KCNS3: variants seen among roughly 807,000 people sequenced by gnomAD.
The protein encoded by KCNS3 is potassium voltage-gated channel modifier subfamily S member 3.
A neutral mutation model predicts 31.0 loss-of-function variants in KCNS3; 13 were observed. That is an observed-to-expected ratio of 0.42 (90% CI 0.27 to 0.67). The LOEUF (loss-of-function observed/expected upper bound fraction) is 0.67, where lower values mean the gene tolerates loss of function less well. KCNS3 is among the 30% of genes least tolerant of loss of function. The pLI is 0.25. For synonymous variants in KCNS3, 238 were observed against 241.5 expected, an observed-to-expected ratio of 0.99 and a Z score of 0.13; for missense variants, 545 against 622.4, an observed-to-expected ratio of 0.88 and a Z score of 1.32.
intron 1 of KCNS3, among the ~76,000 whole-genome samples, chr2:17,897,890 GAAAGAAAACCCA>G: frequency 6.6e-6 from 1 of 152,188 alleles, no homozygotes; most frequent in East Asian, 1.9e-4. Context: ...ATGACTTCTA[GAAAGAAAACCCA>G]GGTTTTCTTC....
At position 17,884,264 on chromosome 2, in the gene KCNS3, AAAAAATATATATATATATATATAT is replaced by A. The variant is rs1674713040; in HGVS notation, c.-252+5460_-252+5483del. 1.5e-4 allele frequency among the ~76,000 whole-genome samples: 7 copies of A among 48,050 alleles called. 1 individual carries two copies. The South Asian group carries it at 4.5e-3, about 31-fold the overall frequency. 31.5% of individuals were successfully genotyped at this position (48,050 alleles called of 152,430 possible). A position where few individuals can be genotyped will look rare whatever the true frequency, so the allele number is the denominator to read the frequency against. Reference sequence around the variant, plus strand: ...AGAACTTAAAGTATAATTAAAAAAAAAAAAATATATATATATATATATATATATATATATATATATTTAAAAAGA... The same window carrying A: ...AGAACTTAAAGTATAATTAAAAAAAAATATATATATATATATTTAAAAAGA... On this transcript the variant is annotated intron_variant, in intron 1 of 2. Coordinates refer to ENST00000304101, the MANE Select transcript of KCNS3 (RefSeq NM_002252.5).
intron 1 of KCNS3, among the ~76,000 whole-genome samples, chr2:17,887,083 T>C (rs1661681188): frequency 6.6e-6 from 1 of 152,112 alleles, no homozygotes; most frequent in South Asian, 2.1e-4. Context: ...CATGTAATTT[T>C]TATTTTATTA....
chr2:17,930,019 G>A lies in KCNS3; in HGVS notation c.-59-931G>A, dbSNP rs186605328. On this transcript the variant is annotated intron_variant, in intron 2 of 2. Transcript: ENST00000304101. Reference sequence around the variant, plus strand: ...GTTCTGAGGAAACGTCATTGCATTGGGTGAGGATCAAAAGCTGTTATTTTC... The same window carrying A: ...GTTCTGAGGAAACGTCATTGCATTGAGTGAGGATCAAAAGCTGTTATTTTC... Among the ~76,000 whole-genome samples the A allele has an allele frequency of 2.7e-3, 412 of 152,262 alleles. 4 individuals are homozygous for A. Among genetic ancestry groups the A allele is most frequent in the African/African-American group, 9.6e-3 (398 of 41,536 alleles).
At chr2:17,916,828 C>CTT (rs11296020) in intron 1 of KCNS3, among the ~76,000 whole-genome samples, 8 of 146,670 alleles carry the variant, frequency 5.5e-5, no homozygotes, top group African/African-American at 1.3e-4. Context: ...GCCAGAGGCA[C>CTT]TTTTTTTTTT....
intron 1 of KCNS3, among the ~76,000 whole-genome samples, chr2:17,894,028 T>C (rs1661927148): frequency 6.7e-6 from 1 of 150,222 alleles, no homozygotes; most frequent in Non-Finnish European, 1.5e-5. Flanking sequence ...AATGTGGCCC[T>C]GAATTCCAGT....
chr2:17,915,110 C>T (rs1662558554), intron 1 of KCNS3, among the ~76,000 whole-genome samples: 5 of 152,210 alleles, frequency 3.3e-5, no homozygotes, highest in Admixed American at 3.3e-4. Flanking sequence ...TGTAGTCAAC[C>T]CACCAGGAAA....
In KCNS3 at chr2:17,931,076, G is replaced by A; in HGVS notation, c.68G>A (p.Gly23Asp). The A allele has an allele frequency of 6.2e-7, 1 of 1,614,072 alleles. No individual in the cohort carries two copies. Among genetic ancestry groups the A allele is most frequent in the Non-Finnish European group, 8.5e-7 (1 of 1,179,994 alleles). Reference sequence around the variant, plus strand: ...GAACTTGTCAACCTGAATGTGGGGGGCTTTAAGCAGTCTGTTGACCAAAGC... The same window carrying A: ...GAACTTGTCAACCTGAATGTGGGGGACTTTAAGCAGTCTGTTGACCAAAGC... The part of the protein sequence containing the change: ...DEELVNLNVG[G>D]FKQSVDQSTL... The change falls in exon 3 of 3, where the codon GGC becomes GAC. Residue 23 changes from glycine to aspartate, a missense_variant. Coordinates refer to ENST00000304101, the MANE Select transcript of KCNS3 (RefSeq NM_002252.5). The surrounding 1 kb of genome is among the most constrained non-coding windows in gnomAD (Gnocchi z 5.4).
chr2:17,931,507 C>T lies in KCNS3; in HGVS notation c.499C>T (p.Leu167Phe). The change falls in exon 3 of 3, where the codon CTC becomes TTC. Residue 167 changes from leucine to phenylalanine, a missense_variant. Coordinates refer to ENST00000304101, the MANE Select transcript of KCNS3 (RefSeq NM_002252.5). This position sits in a 1 kb window ranked among gnomAD's most constrained non-coding sequence, Gnocchi z 5.4. ...GTTTGACACACTGCGATTTGGTCAG[C>T]TCCGGAAGAAAATCTGGATTAGAAT... is the stretch of plus-strand genomic sequence containing the variant. ...EKFDTLRFGQLRKKIWIRMEN... is the reference protein window; with the variant it reads ...EKFDTLRFGQFRKKIWIRMEN... The T allele has an allele frequency of 6.2e-7, 1 of 1,614,186 alleles. No individual in the cohort carries two copies. Among genetic ancestry groups the T allele is most frequent in the Non-Finnish European group, 8.5e-7 (1 of 1,180,028 alleles).
At chr2:17,927,986 C>T (rs1335821560) in intron 2 of KCNS3, among the ~76,000 whole-genome samples, 2 of 152,200 alleles carry the variant, frequency 1.3e-5, no homozygotes, top group Non-Finnish European at 2.9e-5. Flanking sequence ...TGTAGGCCAA[C>T]AACCTTGAGT....
At chr2:17,888,627 A>AGTATATC (rs35481319) in intron 1 of KCNS3, among the ~76,000 whole-genome samples, 4 of 57,726 alleles carry the variant, frequency 6.9e-5, no homozygotes, top group African/African-American at 2.7e-4. Context: ...AATAAAAAAA[A>AGTATATC]TGTATATATA....
At chr2:17,918,565 T>C (rs4553827) in intron 2 of KCNS3, among the ~76,000 whole-genome samples, 88,111 of 152,086 alleles carry the variant, frequency 0.58, 27,811 homozygotes, top group Non-Finnish European at 0.73. Context: ...CCATGCCTGT[T>C]CTAGATCATT....
intron 1 of KCNS3, among the ~76,000 whole-genome samples, chr2:17,887,273 C>G (rs1239696316): frequency 6.6e-6 from 1 of 152,118 alleles, no homozygotes; most frequent in Non-Finnish European, 1.5e-5. Context: ...CCCACTCCCA[C>G]TCTTCCCCCT....
chr2:17,930,043 T>C (rs911952064), intron 2 of KCNS3, among the ~76,000 whole-genome samples: 2 of 152,184 alleles, frequency 1.3e-5, no homozygotes, highest in African/African-American at 4.8e-5. Context: ...GCTGTTATTT[T>C]CTCTCTGAGA....
intron 1 of KCNS3, among the ~76,000 whole-genome samples, chr2:17,893,700 G>A (rs1661913430): frequency 6.6e-6 from 1 of 152,138 alleles, no homozygotes; most frequent in Non-Finnish European, 1.5e-5. Flanking sequence ...CTCCACTGGG[G>A]GTGTGTGTTT....
At chr2:17,902,651 C>G (rs150970800) in intron 1 of KCNS3, among the ~76,000 whole-genome samples, 1,951 of 152,208 alleles carry the variant, frequency 0.013, 19 homozygotes, top group Non-Finnish European at 0.02. Flanking sequence ...AATATGTAAG[C>G]AGCCATGCCT....
chr2:17,891,208 CTGATA>C (rs1171267682), intron 1 of KCNS3, among the ~76,000 whole-genome samples: 9 of 152,076 alleles, frequency 5.9e-5, no homozygotes, highest in Admixed American at 1.3e-4. Flanking sequence ...TTTGTTTTGT[CTGATA>C]TAAGAATAGC....
At position 17,932,601 on chromosome 2, in the gene KCNS3, T is replaced by G. The variant is rs74861505; in HGVS notation, c.*117T>G. The G allele has an allele frequency of 9.2e-7, 1 of 1,081,818 alleles. No individual in the cohort carries two copies. The highest frequency in any genetic ancestry group is 1.3e-6 in the Non-Finnish European group (1 of 756,108). The allele number at this position is 1,081,818 out of a possible 1,614,324, so 67.0% of individuals were successfully genotyped here. A position where few individuals can be genotyped will look rare whatever the true frequency, so the allele number is the denominator to read the frequency against. On this transcript the variant is annotated 3_prime_UTR_variant, in exon 3 of 3. Coordinates refer to ENST00000304101, the MANE Select transcript of KCNS3 (RefSeq NM_002252.5). ...ATTCTCAGGGTGTACCTTTCAGCCA[T>G]AGTTGGACATTCATTGCTGAATTCT...
intron 1 of KCNS3, among the ~76,000 whole-genome samples, chr2:17,914,857 A>G (rs1289045742): frequency 2.0e-5 from 3 of 152,132 alleles, no homozygotes; most frequent in Non-Finnish European, 2.9e-5. Flanking sequence ...GCTTTGATCT[A>G]TCAGGCACTG....
chr2:17,878,336 G>A (rs1296451747), upstream of KCNS3, among the ~76,000 whole-genome samples: 1 of 152,096 alleles, frequency 6.6e-6, no homozygotes, highest in Non-Finnish European at 1.5e-5. Flanking sequence ...GGGCGCGCAG[G>A]TGGGAGGCGC....
Sources: allele counts gnomAD v4.1 joint callset (sites outside exome capture counted in the v4.1 genomes callset), GRCh38; gene constraint gnomAD v4.1.1; non-coding constraint Gnocchi (gnomAD v3.1); transcripts MANE v1.5; gene names NCBI Gene and HGNC (gene_info 2026-07-23, HGNC 2026-07-21).